The following DDX10 variants were observed in gnomAD, a reference collection of about 807,000 sequenced individuals.
The protein encoded by DDX10 is probable ATP-dependent RNA helicase DDX10.
A neutral mutation model predicts 104.3 loss-of-function variants in DDX10; 74 were observed. The ratio of observed to expected loss-of-function variants is 0.71; its 90% CI spans 0.59 to 0.86. The LOEUF (loss-of-function observed/expected upper bound fraction) is 0.86, where lower values mean the gene tolerates loss of function less well. Among genes scored for constraint, DDX10 ranks in the 40% least tolerant of loss-of-function variants. The pLI is 0.00. For missense variants in DDX10, 952 were observed against 1,040.0 expected (o/e 0.92, Z 1.16); for synonymous variants, 351 against 353.4 (o/e 0.99, Z 0.08).
chr11:108,695,136 G>C (rs1232576992), intron 9 of DDX10, among the ~76,000 whole-genome samples: 1 of 152,116 alleles, frequency 6.6e-6, no homozygotes, highest in Non-Finnish European at 1.5e-5. Context: ...TCCACATCCA[G>C]AAATGGATCT....
At chr11:108,860,957 C>T (rs1359223074) in intron 16 of DDX10, 2 of 152,062 alleles carry the variant, frequency 1.3e-5, no homozygotes, top group African/African-American at 2.4e-5. Flanking sequence ...AAAGAACAGA[C>T]GTAAGTTTCC....
chr11:108,933,508 A>G (rs1293343446), intron 17 of DDX10, among the ~76,000 whole-genome samples: 2 of 152,352 alleles, frequency 1.3e-5, no homozygotes, highest in East Asian at 3.9e-4. Context: ...TATTATTGCA[A>G]AGAACATCAA....
intron 13 of DDX10, among the ~76,000 whole-genome samples, chr11:108,779,395 G>T (rs1363993688): frequency 2.0e-5 from 3 of 152,184 alleles, no homozygotes; most frequent in Non-Finnish European, 4.4e-5. Flanking sequence ...CAGGGACATG[G>T]ATGAAGCCGG....
At chr11:108,676,985 G>T (rs1461861132) in intron 3 of DDX10, 100 bp from the exon 4 acceptor site, 2 of 1,094,312 alleles carry the variant, frequency 1.8e-6, no homozygotes, top group Non-Finnish European at 2.6e-6. Context: ...TATGCCTTCT[G>T]CTTGGAAGAT....
rs368893863 is a variant in DDX10 at position 108,901,145 on chromosome 11, G to A, written c.2305-16728G>A. Among the ~76,000 whole-genome samples, 17 of 152,110 alleles carry A rather than the reference G, an allele frequency of 1.1e-4. No individual in the cohort carries two copies. In the East Asian group the frequency reaches 1.9e-3, roughly 17 times the overall value. ...TAGAACATATGTCACTGCCTCCTTC[G>A]TTTTAGAATAATACATGCCCCTGTG... On this transcript the variant is annotated intron_variant, in intron 16 of 17. Transcript: ENST00000322536.
At chr11:108,874,138 G>T (rs1428245265) in intron 16 of DDX10, among the ~76,000 whole-genome samples, 1 of 152,132 alleles carries the variant, frequency 6.6e-6, no homozygotes, top group African/African-American at 2.4e-5. Flanking sequence ...AGGATATGCA[G>T]TAAAATCAGT....
chr11:108,820,879 T>C (rs1342090642), intron 13 of DDX10, among the ~76,000 whole-genome samples: 1 of 152,200 alleles, frequency 6.6e-6, no homozygotes, highest in Non-Finnish European at 1.5e-5. Flanking sequence ...AAATGTGAAA[T>C]ATGTTTATTT....
chr11:108,731,738 A>G (rs2094312533), intron 13 of DDX10, among the ~76,000 whole-genome samples: 1 of 152,028 alleles, frequency 6.6e-6, no homozygotes, highest in Non-Finnish European at 1.5e-5. Flanking sequence ...TGCATTTCAT[A>G]TTTTAGTGTT....
At chr11:108,720,562 G>A (rs1591800662) in intron 12 of DDX10, among the ~76,000 whole-genome samples, 1 of 152,068 alleles carries the variant, frequency 6.6e-6, no homozygotes, top group African/African-American at 2.4e-5. Context: ...AAACAGAATG[G>A]CTGGTTTTGT....
At chr11:108,929,972 A>G (rs1382727891) in intron 17 of DDX10, among the ~76,000 whole-genome samples, 1 of 152,078 alleles carries the variant, frequency 6.6e-6, no homozygotes, top group African/African-American at 2.4e-5. Flanking sequence ...AGTGTGGTAA[A>G]TTTGTTACAA....
chr11:108,716,653 T>C (rs891268398), intron 11 of DDX10, among the ~76,000 whole-genome samples: 26 of 152,352 alleles, frequency 1.7e-4, no homozygotes, highest in Admixed American at 4.6e-4. Flanking sequence ...CTAGAAAGCA[T>C]AGAACTGCAG....
chr11:108,748,546 A>G (rs145457682), intron 13 of DDX10, among the ~76,000 whole-genome samples: 3 of 152,352 alleles, frequency 2.0e-5, no homozygotes, highest in Non-Finnish European at 2.9e-5. Context: ...GGTTGAAGAC[A>G]GAATGTACTG....
intron 13 of DDX10, among the ~76,000 whole-genome samples, chr11:108,745,076 T>TCC (rs1260399294): frequency 1.2e-4 from 7 of 59,796 alleles, no homozygotes; most frequent in African/African-American, 4.7e-4. Flanking sequence ...CCTTCCCCCT[T>TCC]CCCTTCCTTT....
intron 13 of DDX10, among the ~76,000 whole-genome samples, chr11:108,810,628 T>C (rs963470540): frequency 6.6e-6 from 1 of 152,184 alleles, no homozygotes; most frequent in East Asian, 1.9e-4. Flanking sequence ...ACAAGCTTCA[T>C]CCAAAGTATA....
chr11:108,770,969 A>T (rs1015515435), intron 13 of DDX10, among the ~76,000 whole-genome samples: 1 of 152,062 alleles, frequency 6.6e-6, no homozygotes, highest in African/African-American at 2.4e-5. Flanking sequence ...TCCCACCAAC[A>T]GTGTATGAGG....
intron 6 of DDX10, among the ~76,000 whole-genome samples, chr11:108,680,099 C>A (rs1428576426): frequency 6.6e-6 from 1 of 152,154 alleles, no homozygotes; most frequent in East Asian, 1.9e-4. Flanking sequence ...ACCTTTCAGT[C>A]TAAAATTCTA....
chr11:108,706,782 G>A lies in DDX10; in HGVS notation c.1267G>A (p.Glu423Lys). 1.9e-6 allele frequency: 3 copies of A among 1,614,072 alleles called. No homozygotes were observed. Among genetic ancestry groups the A allele is most frequent in the Non-Finnish European group, 2.5e-6 (3 of 1,179,976 alleles). ...GEALLILLPS[E>K]KAMVQQLLQK... The stretch of plus-strand genomic sequence containing the variant: ...AGCTTTGCTAATTTTGCTACCCTCA[G>A]AAAAAGCTATGGTGCAGCAGCTTCT... The change falls in exon 10 of 18, where the codon GAA (glutamate) becomes AAA (lysine). Residue 423 changes from glutamate (E) to lysine (K), a missense_variant. Glu to Lys is a moderately conservative substitution (Grantham distance 56). Around this residue, in one of 3 missense-constraint regions of DDX10, gnomAD observed 533 missense variants for 534.1 expected, o/e 1.00. Coordinates refer to ENST00000322536, the MANE Select transcript of DDX10 (RefSeq NM_004398.4).
chr11:108,733,893 G>T (rs993888253), intron 13 of DDX10, among the ~76,000 whole-genome samples: 1 of 151,862 alleles, frequency 6.6e-6, no homozygotes, highest in Non-Finnish European at 1.5e-5. Context: ...GTTGGGTTTT[G>T]TAAGCTAGCC....
intron 13 of DDX10, among the ~76,000 whole-genome samples, chr11:108,832,350 A>G (rs1862484503): frequency 6.6e-6 from 1 of 152,222 alleles, no homozygotes; most frequent in African/African-American, 2.4e-5. Context: ...TAAAAACTTC[A>G]TCTTCACAAA....
Sources: allele counts gnomAD v4.1 joint callset (sites outside exome capture counted in the v4.1 genomes callset), GRCh38; gene constraint gnomAD v4.1.1; regional missense constraint gnomAD v4.1.1; transcripts MANE v1.5; gene names NCBI Gene and HGNC (gene_info 2026-07-23, HGNC 2026-07-21).